The following PTPRT variants were observed in gnomAD, a reference collection of about 807,000 sequenced individuals.
PTPRT encodes the protein receptor-type tyrosine-protein phosphatase T.
Under a neutral mutation model 176.8 loss-of-function variants are expected in PTPRT, and 56 were observed. The observed-to-expected ratio is 0.32, with a 90% CI of 0.26 to 0.40. The LOEUF is 0.40. Among genes scored for constraint, PTPRT ranks in the 10% least tolerant of loss-of-function variants. The probability of loss-of-function intolerance (pLI) is 1.00; values close to 1 mark genes in which losing one functional copy is unlikely to be tolerated. For missense variants in PTPRT, 1,540 were observed against 1,908.2 expected, an observed-to-expected ratio of 0.81 and a Z score of 3.60; for synonymous variants, 783 against 739.0, an observed-to-expected ratio of 1.06 and a Z score of -0.96.
chr20:42,858,761 A>G (rs2078609431), intron 2 of PTPRT, among the ~76,000 whole-genome samples: 1 of 152,212 alleles, frequency 6.6e-6, no homozygotes, highest in South Asian at 2.1e-4. Flanking sequence ...GGACTGACAG[A>G]TGTCAAGGGG....
At chr20:42,122,089 T>C (rs138145039) in intron 19 of PTPRT, among the ~76,000 whole-genome samples, 1 of 152,278 alleles carries the variant, frequency 6.6e-6, no homozygotes, top group African/African-American at 2.4e-5. Context: ...ATTCAGGTGA[T>C]GGTTACACTA....
intron 1 of PTPRT, among the ~76,000 whole-genome samples, chr20:43,182,275 T>C (rs1331004503): frequency 6.6e-6 from 1 of 152,124 alleles, no homozygotes; most frequent in Non-Finnish European, 1.5e-5. Context: ...TCCAAGGTCC[T>C]GGGAAGCAGG....
In PTPRT at chr20:42,239,879, C is replaced by T. The variant is rs559363353; in HGVS notation, c.2313-3621G>A. Reference sequence around the variant, plus strand: ...TGAGGAGCAGATATAATTACTCTCACGGTTAGCTGAGGAATCTAAGATTAT... The same window carrying T: ...TGAGGAGCAGATATAATTACTCTCATGGTTAGCTGAGGAATCTAAGATTAT... On this transcript the variant is annotated intron_variant, in intron 14 of 30. Coordinates refer to ENST00000373187, the MANE Select transcript of PTPRT (RefSeq NM_007050.6). Among the ~76,000 whole-genome samples the T allele has an allele frequency of 4.9e-4, 74 of 152,148 alleles. 1 individual carries two copies. The highest frequency in any genetic ancestry group is 2.8e-4 in the Non-Finnish European group (19 of 68,028).
intron 7 of PTPRT, among the ~76,000 whole-genome samples, chr20:42,513,699 A>T (rs11907041): frequency 0.096 from 14,540 of 152,192 alleles, 1,394 homozygotes; most frequent in African/African-American, 0.25. Flanking sequence ...CAGTTTGAGA[A>T]ACAACATTAT....
At chr20:43,183,983 G>A (rs975492744) in intron 1 of PTPRT, among the ~76,000 whole-genome samples, 1 of 152,176 alleles carries the variant, frequency 6.6e-6, no homozygotes, top group Admixed American at 6.5e-5. Flanking sequence ...GTCTTTCTGT[G>A]GACATATGTT....
chr20:42,360,637 C>A (rs917064128), intron 9 of PTPRT, among the ~76,000 whole-genome samples: 1 of 152,306 alleles, frequency 6.6e-6, no homozygotes, highest in South Asian at 2.1e-4. Context: ...GGTTTCTGAA[C>A]ATGAGCTGCT....
Position 43,172,738 on chromosome 20 carries a change from A to T in PTPRT, c.88+16908T>A, listed in dbSNP as rs116676317. Among the ~76,000 whole-genome samples, 606 of 152,296 alleles carry T rather than the reference A, an allele frequency of 4.0e-3. 4 individuals carry two copies. Among genetic ancestry groups the T allele is most frequent in the African/African-American group, 0.014 (568 of 41,556 alleles). ...AACCATCCTACAAGCAAGTTACTAC[A>T]ATTTGCCTCATTTCACAGATGATAA... On this transcript the variant is annotated intron_variant, in intron 1 of 30. Coordinates refer to ENST00000373187, the MANE Select transcript of PTPRT (RefSeq NM_007050.6).
At chr20:43,157,256 G>A (rs942977011) in intron 1 of PTPRT, among the ~76,000 whole-genome samples, 3 of 152,004 alleles carry the variant, frequency 2.0e-5, no homozygotes, top group Admixed American at 6.6e-5. Context: ...GCTACTTGGG[G>A]AGGGGGTGGA....
chr20:43,113,703 T>A (rs926825214), intron 1 of PTPRT, among the ~76,000 whole-genome samples: 1 of 152,100 alleles, frequency 6.6e-6, no homozygotes, highest in East Asian at 1.9e-4. Flanking sequence ...GACTTAAAAC[T>A]CCCAGTGGAA....
chr20:42,327,133 T>C (rs895057801), intron 11 of PTPRT, among the ~76,000 whole-genome samples: 3 of 151,396 alleles, frequency 2.0e-5, no homozygotes, highest in Middle Eastern at 6.8e-3. Flanking sequence ...GAGAGAAACA[T>C]ATAATTTTAT....
intron 1 of PTPRT, among the ~76,000 whole-genome samples, chr20:43,032,492 C>A (rs868035291): frequency 0.029 from 3,294 of 113,792 alleles, 146 homozygotes; most frequent in African/African-American, 0.12. Flanking sequence ...AAAAAAAAAA[C>A]AGTGGCAAAT....
intron 27 of PTPRT, among the ~76,000 whole-genome samples, chr20:42,087,391 C>T (rs193284863): frequency 1.6e-4 from 24 of 151,492 alleles, no homozygotes; most frequent in Admixed American, 1.1e-3. Context: ...CCATCACACC[C>T]GGCTATTTTA....
chr20:42,817,848 G>A (rs917433260), intron 2 of PTPRT, among the ~76,000 whole-genome samples: 1 of 152,196 alleles, frequency 6.6e-6, no homozygotes, highest in Middle Eastern at 3.2e-3. Flanking sequence ...TCCAGCTAGA[G>A]GCTCAAGGAC....
chr20:42,130,129 G>C (rs904785352), intron 18 of PTPRT, among the ~76,000 whole-genome samples: 3 of 152,202 alleles, frequency 2.0e-5, no homozygotes, highest in African/African-American at 7.2e-5. Context: ...GTTTCCAAAG[G>C]GGGTGTAAGC....
chr20:42,873,068 A>G (rs1411724151), intron 2 of PTPRT, among the ~76,000 whole-genome samples: 2 of 152,222 alleles, frequency 1.3e-5, no homozygotes, highest in Non-Finnish European at 2.9e-5. Flanking sequence ...TATGTTCTAC[A>G]TATTTAAAAT....
chr20:42,166,532 T>C (rs1261145740), intron 16 of PTPRT, among the ~76,000 whole-genome samples: 1 of 152,254 alleles, frequency 6.6e-6, no homozygotes, highest in Non-Finnish European at 1.5e-5. Context: ...TTTTTAACTT[T>C]GCCTCATTAT....
chr20:42,587,214 A>G (rs2073486465), intron 7 of PTPRT, among the ~76,000 whole-genome samples: 1 of 152,198 alleles, frequency 6.6e-6, no homozygotes, highest in African/African-American at 2.4e-5. Context: ...ACTCTAGCCC[A>G]TACTGCAACT....
At chr20:42,305,271 C>T (rs931670722) in intron 12 of PTPRT, among the ~76,000 whole-genome samples, 139 of 70,110 alleles carry the variant, frequency 2.0e-3, no homozygotes, top group African/African-American at 9.3e-3. Flanking sequence ...GAGAATCACT[C>T]GAACCTGGGA....
chr20:42,713,961 AC>A (rs1436532170), intron 6 of PTPRT, among the ~76,000 whole-genome samples: 2 of 152,198 alleles, frequency 1.3e-5, no homozygotes, highest in Non-Finnish European at 2.9e-5. Context: ...AACCTGCAGA[AC>A]CATGAGCCAA....
Sources: gnomAD v4.1 joint callset for allele counts (sites outside exome capture counted in the v4.1 genomes callset) on GRCh38, gnomAD v4.1.1 for gene constraint, MANE v1.5 for transcripts, NCBI Gene and HGNC (gene_info 2026-07-23, HGNC 2026-07-21) for gene names.